Variants in CATSPERD observed in about 807,000 individuals in gnomAD.
CATSPERD encodes the protein catsper channel auxiliary subunit delta.
In CATSPERD, 86 loss-of-function variants were observed where a neutral mutation model predicts 98.1. That is an observed-to-expected ratio of 0.88 (90% CI 0.74 to 1.05). The LOEUF (loss-of-function observed/expected upper bound fraction) is 1.05, where lower values mean the gene tolerates loss of function less well. Ranked by LOEUF, CATSPERD falls within the 50% of genes least tolerant of loss-of-function variation. The probability of loss-of-function intolerance (pLI) is 0.00; values close to 1 mark genes in which losing one functional copy is unlikely to be tolerated. For missense variants in CATSPERD, 995 were observed against 1,005.7 expected (o/e 0.99, Z 0.14); for synonymous variants, 394 against 390.2 (o/e 1.01, Z -0.12).
chr19:5,776,211 A>G lies in CATSPERD; in HGVS notation c.1992A>G (p.Pro664=), dbSNP rs1467829172. The G allele has an allele frequency of 2.5e-6, 4 of 1,614,124 alleles. No individual in the cohort carries two copies. In the African/African-American group the frequency reaches 5.3e-5, roughly 22 times the overall value. The change falls in exon 21 of 22, where the codon CCA becomes CCG. Residue 664 remains proline, a synonymous_variant. Transcript: ENST00000381624. ...ACAACAATGCCCCTTTGAGGTGGCC[A>G]GACGTCCAGTATCAGATCTTGGGCG... ...DPNNNAPLRW[P]DVQYQILGGR... is the part of the protein sequence containing the mutation.
chr19:5,746,726 C>T (rs2056102143), intron 9 of CATSPERD, among the ~76,000 whole-genome samples: 1 of 152,148 alleles, frequency 6.6e-6, no homozygotes, highest in African/African-American at 2.4e-5. Context: ...AGCCACCACG[C>T]CCAGCCATTT....
intron 11 of CATSPERD, among the ~76,000 whole-genome samples, chr19:5,751,216 AAAAAAAAAAAAAAAAAAAAAAAAAAAG>A (rs2056209687): frequency 8.7e-4 from 5 of 5,720 alleles, no homozygotes; most frequent in African/African-American, 1.7e-3. Flanking sequence ...AAAAAAAAAA[AAAAAAAAAAAAAAAAAAAAAAAAAAAG>A]GCCTGGCGCG....
At chr19:5,764,416 C>T (rs528796677) in intron 16 of CATSPERD, among the ~76,000 whole-genome samples, 55 of 150,306 alleles carry the variant, frequency 3.7e-4, no homozygotes, top group African/African-American at 1.3e-3. Context: ...CCCGGGTTCA[C>T]GCCATTCTTC....
At chr19:5,752,533 C>G (rs549070687) in intron 12 of CATSPERD, among the ~76,000 whole-genome samples, 1 of 152,054 alleles carries the variant, frequency 6.6e-6, no homozygotes, top group Non-Finnish European at 1.5e-5. Context: ...AGATAGTATT[C>G]GTCACCAATA....
intron 15 of CATSPERD, among the ~76,000 whole-genome samples, chr19:5,760,073 CAAAAAAAAAAAA>C (rs60075484): frequency 2.1e-5 from 1 of 48,534 alleles, no homozygotes; most frequent in African/African-American, 9.4e-5. Context: ...GACTCCATCT[CAAAAAAAAAAAA>C]AAAAAAAAAA....
At position 5,744,446 on chromosome 19, in the gene CATSPERD, T is replaced by C. The variant is rs772693198; in HGVS notation, c.593T>C (p.Leu198Ser). 2 of 1,612,300 alleles carry C rather than the reference T, an allele frequency of 1.2e-6. No homozygotes were observed. The highest frequency in any genetic ancestry group is 1.7e-6 in the Non-Finnish European group (2 of 1,178,774). The change falls in exon 8 of 22, where the codon TTA (leucine) becomes TCA (serine). Residue 198 changes from leucine (L) to serine (S), a missense_variant. This residue lies in a region of CATSPERD where 762 missense variants were observed against 773.7 expected (regional missense o/e 0.98). Coordinates refer to ENST00000381624, the MANE Select transcript of CATSPERD (RefSeq NM_152784.4). ...YDRQAEIIGS[L>S]GGIFHFFSLS... is the part of the protein sequence containing the mutation. ...TCATAGGCAGAAATCATTGGGTCTT[T>C]AGGCGGAATCTTCCACTTTTTTTCT...
intron 11 of CATSPERD, among the ~76,000 whole-genome samples, chr19:5,749,848 G>A (rs2056170595): frequency 2.1e-5 from 3 of 145,236 alleles, no homozygotes. Flanking sequence ...CTGTCGCCTA[G>A]CTTGGAATGC....
chr19:5,775,194 T>G (rs923295261), intron 20 of CATSPERD: 2 of 469,560 alleles, frequency 4.3e-6, no homozygotes, highest in African/African-American at 4.0e-5. Context: ...GTTACAAGAC[T>G]GAAGGAAGGG....
At chr19:5,757,764 C>T in intron 13 of CATSPERD, 79 bp from the exon 14 acceptor site, 1 of 1,054,228 alleles carries the variant, frequency 9.5e-7, no homozygotes, top group Non-Finnish European at 1.4e-6. Flanking sequence ...TGAAGGTGTG[C>T]TGGGCTCACT....
At chr19:5,735,844 G>T (rs145779876) in intron 5 of CATSPERD, among the ~76,000 whole-genome samples, 1 of 141,140 alleles carries the variant, frequency 7.1e-6, no homozygotes, top group Non-Finnish European at 1.5e-5. Flanking sequence ...GCAGTGGCGC[G>T]ATCTCGGCTC....
At chr19:5,757,795 C>T (rs1054985588) in intron 13 of CATSPERD, 48 bp from the exon 14 acceptor site, 8 of 1,486,004 alleles carry the variant, frequency 5.4e-6, no homozygotes, top group Admixed American at 1.7e-5. Context: ...GTCACCCCGT[C>T]CTGCCTGCTG....
intron 6 of CATSPERD, among the ~76,000 whole-genome samples, chr19:5,739,110 C>T (rs2055905984): frequency 6.6e-6 from 1 of 152,144 alleles, no homozygotes; most frequent in Non-Finnish European, 1.5e-5. Flanking sequence ...AGTGATCTGC[C>T]TGCCTCGGCC....
At chr19:5,752,874 A>G (rs1263366951) in intron 12 of CATSPERD, among the ~76,000 whole-genome samples, 1 of 151,934 alleles carries the variant, frequency 6.6e-6, no homozygotes, top group Non-Finnish European at 1.5e-5. Context: ...CTAAAAATAC[A>G]AAAATTAGAT....
chr19:5,740,762 CAAAAA>C (rs59937872), intron 7 of CATSPERD, among the ~76,000 whole-genome samples: 2 of 36,490 alleles, frequency 5.5e-5, no homozygotes, highest in Non-Finnish European at 1.1e-4. Context: ...AACTCCGTCT[CAAAAA>C]AAAAAAAAAA....
At position 5,768,160 on chromosome 19, in the gene CATSPERD, G is replaced by T; in HGVS notation, c.1560-8G>T. On this transcript the variant is annotated splice_region_variant and splice_polypyrimidine_tract_variant and intron_variant, in intron 17 of 21. Transcript: ENST00000381624. ...ATGCCATTGCTCAATGTCCACTTTT[G>T]CTTGCAGCAAAGTTTCCGCCTGTTC... 1.2e-6 allele frequency: 2 copies of T among 1,612,372 alleles called. No individual in the cohort carries two copies. The highest frequency in any genetic ancestry group is 1.7e-6 in the Non-Finnish European group (2 of 1,178,956).
chr19:5,747,169 CTTT>C (rs748726369), intron 9 of CATSPERD, among the ~76,000 whole-genome samples: 15 of 105,732 alleles, frequency 1.4e-4, no homozygotes, highest in Middle Eastern at 7.1e-3. Context: ...AATGGTTTCC[CTTT>C]TTTTTTTTTT....
intron 5 of CATSPERD, among the ~76,000 whole-genome samples, 158 bp downstream of exon 5, chr19:5,734,128 C>T (rs1386285506): frequency 1.3e-5 from 2 of 152,132 alleles, no homozygotes; most frequent in Admixed American, 6.6e-5. Context: ...CCTGAGTCCC[C>T]ATCCGTAGAC....
At chr19:5,753,282 C>A (rs1054196910) in intron 12 of CATSPERD, among the ~76,000 whole-genome samples, 1 of 151,898 alleles carries the variant, frequency 6.6e-6, no homozygotes, top group South Asian at 2.1e-4. Flanking sequence ...AAAGAGGGGG[C>A]GGGCGCGGTG....
intron 6 of CATSPERD, among the ~76,000 whole-genome samples, chr19:5,739,113 C>A (rs1447439124): frequency 6.6e-6 from 1 of 152,110 alleles, no homozygotes; most frequent in African/African-American, 2.4e-5. Context: ...GATCTGCCTG[C>A]CTCGGCCTCC....
Sources: gnomAD v4.1 joint callset for allele counts (sites outside exome capture counted in the v4.1 genomes callset) on GRCh38, gnomAD v4.1.1 for gene constraint, gnomAD v4.1.1 regional missense constraint, MANE v1.5 for transcripts, NCBI Gene and HGNC (gene_info 2026-07-23, HGNC 2026-07-21) for gene names.